ZNF736: variants seen among roughly 807,000 people sequenced by gnomAD.
ZNF736 encodes the protein KRAB-containing zinc-finger repressor protein.
ZNF736 carries 6 observed loss-of-function variants against 11.7 expected under a neutral mutation model. The observed-to-expected ratio is 0.51, with a 90% CI of 0.28 to 1.01. The LOEUF is 1.01. Ranked by LOEUF, ZNF736 falls within the 50% of genes least tolerant of loss-of-function variation. The pLI is 0.09. For missense variants in ZNF736, 444 were observed against 496.0 expected, an observed-to-expected ratio of 0.90 and a Z score of 1.00; for synonymous variants, 139 against 164.7, an observed-to-expected ratio of 0.84 and a Z score of 1.19.
chr7:64,315,926 A>G (rs1170128510), intron 1 of ZNF736, among the ~76,000 whole-genome samples: 1 of 152,072 alleles, frequency 6.6e-6, no homozygotes, highest in Non-Finnish European at 1.5e-5. Context: ...TTAATATATT[A>G]GTCTGTTTGT....
intron 1 of ZNF736, among the ~76,000 whole-genome samples, chr7:64,319,279 ATATGTGTATGTATG>A (rs1312563768): frequency 2.1e-5 from 3 of 144,450 alleles, no homozygotes; most frequent in East Asian, 4.1e-4. Context: ...TATATATAAA[ATATGTGTATGTATG>A]TATGTGTGTG....
intron 1 of ZNF736, 132 bp downstream of exon 1, chr7:64,314,285 A>C: frequency 8.5e-7 from 1 of 1,175,166 alleles, no homozygotes; most frequent in East Asian, 2.6e-5. Flanking sequence ...CCGCGGGCAC[A>C]GCTCAATCCT....
intron 1 of ZNF736, among the ~76,000 whole-genome samples, chr7:64,325,872 T>C (rs1428652567): frequency 6.6e-6 from 1 of 152,180 alleles, no homozygotes; most frequent in Non-Finnish European, 1.5e-5. Flanking sequence ...TAAAATATTA[T>C]GAAGCCAAGG....
At chr7:64,319,307 G>A (rs1442871703) in intron 1 of ZNF736, among the ~76,000 whole-genome samples, 3 of 129,080 alleles carry the variant, frequency 2.3e-5, no homozygotes, top group Non-Finnish European at 4.9e-5. Flanking sequence ...GTGTGTGTGT[G>A]TATATGTATG....
chr7:64,342,638 A>G (rs4718064), intron 3 of ZNF736, among the ~76,000 whole-genome samples: 51,994 of 151,858 alleles, frequency 0.34, 9,574 homozygotes, highest in African/African-American at 0.49. Flanking sequence ...TGTGTCTTAT[A>G]TATATGTTTT....
chr7:64,337,628 A>G (rs1452863821), intron 3 of ZNF736, among the ~76,000 whole-genome samples: 3 of 152,190 alleles, frequency 2.0e-5, no homozygotes, highest in Admixed American at 1.3e-4. Context: ...AATATGGCCA[A>G]ATTCCTCAAC....
chr7:64,317,858 A>C (rs1788938675), intron 1 of ZNF736, among the ~76,000 whole-genome samples: 1 of 151,940 alleles, frequency 6.6e-6, no homozygotes, highest in African/African-American at 2.4e-5. Flanking sequence ...TTTTTTAAAT[A>C]ACCTCTAAAC....
intron 1 of ZNF736, among the ~76,000 whole-genome samples, chr7:64,333,750 C>T (rs916764362): frequency 1.3e-5 from 2 of 152,106 alleles, no homozygotes; most frequent in African/African-American, 4.8e-5. Context: ...ATGCTATTCC[C>T]ATCAGGCTAC....
intron 1 of ZNF736, among the ~76,000 whole-genome samples, chr7:64,325,687 A>G (rs1010099007): frequency 4.6e-5 from 7 of 152,246 alleles, no homozygotes; most frequent in Non-Finnish European, 8.8e-5. Flanking sequence ...TAATTTAAGA[A>G]AACTTTTACA....
At chr7:64,344,419 A>G (rs1218356685) in intron 3 of ZNF736, among the ~76,000 whole-genome samples, 2 of 152,222 alleles carry the variant, frequency 1.3e-5, no homozygotes, top group Non-Finnish European at 1.5e-5. Flanking sequence ...TTTGTAAAAG[A>G]AATATGCTAT....
rs539818672 is a variant in ZNF736, at chr7:64,332,025, C to T, written c.4-4234C>T. Among the ~76,000 whole-genome samples the T allele has an allele frequency of 9.8e-4, 149 of 152,180 alleles. 2 individuals carry two copies. The highest frequency in any genetic ancestry group is 3.5e-3 in the African/African-American group (145 of 41,514). On this transcript the variant is annotated intron_variant, in intron 1 of 3. Coordinates refer to ENST00000423484, the MANE Select transcript of ZNF736 (RefSeq NM_001170905.3). The stretch of plus-strand genomic sequence containing the variant: ...TTCAGGGGAGGGAGTTTTGCTCATG[C>T]TTCAAAGGCATATTCTCAAGAAACA...
intron 1 of ZNF736, among the ~76,000 whole-genome samples, chr7:64,319,333 G>GTGTGTGTGTATA (rs1175526690): frequency 2.8e-5 from 2 of 71,638 alleles, no homozygotes; most frequent in Non-Finnish European, 2.9e-5. Flanking sequence ...GTGTGTATGT[G>GTGTGTGTGTATA]TATATATATA....
intron 1 of ZNF736, among the ~76,000 whole-genome samples, chr7:64,321,245 A>G (rs1379003702): frequency 1.3e-5 from 2 of 152,178 alleles, no homozygotes; most frequent in Non-Finnish European, 2.9e-5. Context: ...AAGCATTGAA[A>G]ATCATCCTAA....
intron 1 of ZNF736, among the ~76,000 whole-genome samples, chr7:64,324,613 A>G (rs796444127): frequency 9.2e-5 from 14 of 152,340 alleles, no homozygotes; most frequent in African/African-American, 3.1e-4. Flanking sequence ...GCCAGATACA[A>G]GTGCCTAGAG....
At chr7:64,316,719 T>G (rs904471152) in intron 1 of ZNF736, among the ~76,000 whole-genome samples, 1 of 151,952 alleles carries the variant, frequency 6.6e-6, no homozygotes, top group East Asian at 1.9e-4. Flanking sequence ...TATAATGGAT[T>G]TTATCATTAG....
rs759905703 is a variant in ZNF736 at position 64,348,700 on chromosome 7, T to A, written c.837T>A (p.His279Gln). Residue 279 changes from histidine (H) to glutamine (Q), a missense_variant, in exon 4 of 4, where the codon CAT becomes CAA. His to Gln is a conservative substitution (Grantham distance 24). Coordinates refer to ENST00000423484, the MANE Select transcript of ZNF736 (RefSeq NM_001170905.3). ...ACCTTACTAATCATAAGAGAATTCA[T>A]ACTGGAGAGAAACCCTACAAATGTG... ...FSDLTNHKRI[H>Q]TGEKPYKCEE... is the part of the protein sequence containing the mutation. The A allele has an allele frequency of 2.5e-6, 4 of 1,608,084 alleles. No homozygotes were observed. Among genetic ancestry groups the A allele is most frequent in the Non-Finnish European group, 3.4e-6 (4 of 1,177,222 alleles).
At chr7:64,325,802 G>A (rs1263620815) in intron 1 of ZNF736, among the ~76,000 whole-genome samples, 1 of 152,048 alleles carries the variant, frequency 6.6e-6, no homozygotes, top group African/African-American at 2.4e-5. Context: ...TCTAGGACCT[G>A]GAAACCATTG....
At chr7:64,328,621 G>A (rs1789115100) in intron 1 of ZNF736, among the ~76,000 whole-genome samples, 1 of 152,204 alleles carries the variant, frequency 6.6e-6, no homozygotes, top group East Asian at 1.9e-4. Flanking sequence ...AATTAGCCAG[G>A]TGTGGTGGCG....
chr7:64,329,532 T>A (rs1447103141), intron 1 of ZNF736, among the ~76,000 whole-genome samples: 2 of 152,192 alleles, frequency 1.3e-5, no homozygotes, highest in Non-Finnish European at 2.9e-5. Flanking sequence ...ACTTTGGTGG[T>A]CATAGGTAAG....
Sources: gnomAD v4.1 joint callset for allele counts (sites outside exome capture counted in the v4.1 genomes callset) on GRCh38, gnomAD v4.1.1 for gene constraint, MANE v1.5 for transcripts, NCBI Gene and HGNC (gene_info 2026-07-23, HGNC 2026-07-21) for gene names.